The following NCS1 variants were observed in gnomAD, a reference collection of about 807,000 sequenced individuals.
NCS1 encodes neuronal calcium sensor 1, also known as frequenin homolog.
Under a neutral mutation model 28.4 loss-of-function variants are expected in NCS1, and 6 were observed. The ratio of observed to expected loss-of-function variants is 0.21; its 90% CI spans 0.12 to 0.42. The LOEUF (loss-of-function observed/expected upper bound fraction) is 0.42. NCS1 is among the 10% of genes least tolerant of loss of function. The pLI, the probability that NCS1 is intolerant of heterozygous loss-of-function variation, is 1.00. For missense variants in NCS1, 131 were observed against 241.4 expected, an observed-to-expected ratio of 0.54 and a Z score of 3.03; for synonymous variants, 86 against 99.3, an observed-to-expected ratio of 0.87 and a Z score of 0.79.
rs1418637973 is a variant in NCS1 at position 130,191,026 on chromosome 9, CTT to C, written c.65-9929_65-9928del. On this transcript the variant is annotated intron_variant, in intron 1 of 7. Coordinates refer to ENST00000372398, the MANE Select transcript of NCS1 (RefSeq NM_014286.4). This position sits in a 1 kb window ranked among gnomAD's most constrained non-coding sequence, Gnocchi z 6.4. The stretch of plus-strand genomic sequence containing the variant: ...TCTGCCCCAAGGCCTGGCCCTCTGA[CTT>C]TTATTCAGACACCACGACTCCTCAT... Among the ~76,000 whole-genome samples the C allele has an allele frequency of 6.6e-6, 1 of 152,188 alleles. No individual in the cohort carries two copies. Among genetic ancestry groups the C allele is most frequent in the Non-Finnish European group, 1.5e-5 (1 of 68,030 alleles).
At chr9:130,220,462 T>C (rs1352732540) in intron 4 of NCS1, among the ~76,000 whole-genome samples, 1 of 150,324 alleles carries the variant, frequency 6.7e-6, no homozygotes, top group Non-Finnish European at 1.5e-5. Context: ...ACCTGCCTGG[T>C]AGGCGCAGAG....
rs1370628971 is a variant in NCS1 at position 130,181,487 on chromosome 9, A to G, written c.64+8760A>G. ...TGGTGTTCACGTGTGTTCCTCACCAATTCCACCCAGGAGCCCTGTGGGGGT... is the reference window on the plus strand; with the variant it reads ...TGGTGTTCACGTGTGTTCCTCACCAGTTCCACCCAGGAGCCCTGTGGGGGT... On this transcript the variant is annotated intron_variant, in intron 1 of 7. Coordinates refer to ENST00000372398, the MANE Select transcript of NCS1 (RefSeq NM_014286.4). The surrounding 1 kb of genome is among the most constrained non-coding windows in gnomAD (Gnocchi z 5.0). Among the ~76,000 whole-genome samples, 3 of 145,848 alleles carry G rather than the reference A, an allele frequency of 2.1e-5. No individual in the cohort carries two copies. The highest frequency in any genetic ancestry group is 7.9e-5 in the African/African-American group (3 of 38,024).
intron 2 of NCS1, among the ~76,000 whole-genome samples, chr9:130,213,651 T>C (rs1362136977): frequency 6.6e-6 from 1 of 151,694 alleles, no homozygotes; most frequent in African/African-American, 2.4e-5. Flanking sequence ...AGTGGCGTGA[T>C]CTCGGCTCAC....
intron 1 of NCS1, chr9:130,200,459 G>A (rs1832925647): frequency 5.3e-6 from 5 of 951,456 alleles, no homozygotes; most frequent in East Asian, 2.6e-5. Flanking sequence ...GCAGGGACAG[G>A]CTGACAGGGA....
intron 3 of NCS1, among the ~76,000 whole-genome samples, chr9:130,218,844 G>A (rs782548630): frequency 2.6e-5 from 4 of 152,180 alleles, no homozygotes; most frequent in Middle Eastern, 3.4e-3. Context: ...ACCCACCTTG[G>A]TCTCCCAAAG....
chr9:130,179,891 C>T (rs1304215484), intron 1 of NCS1, among the ~76,000 whole-genome samples: 2 of 152,194 alleles, frequency 1.3e-5, no homozygotes, highest in Non-Finnish European at 2.9e-5. Context: ...CAAGGTCACA[C>T]AGCAAATATG....
chr9:130,189,921 C>T lies in NCS1; in HGVS notation c.65-11037C>T, dbSNP rs1161551024. 4.5e-5 allele frequency among the ~76,000 whole-genome samples: 6 copies of T among 132,522 alleles called. No homozygotes were observed. The East Asian group carries it at 1.3e-3, about 28-fold the overall frequency. The allele number at this position is 132,522 out of a possible 152,430, so 86.9% of individuals were successfully genotyped here. On this transcript the variant is annotated intron_variant, in intron 1 of 7. Transcript: ENST00000372398. ...ATATATATATATATTCCCAAGGTCTCGAAGGCCCCAAAGAGGCAGAAGATG... is the reference window on the plus strand; with the variant it reads ...ATATATATATATATTCCCAAGGTCTTGAAGGCCCCAAAGAGGCAGAAGATG...
chr9:130,205,626 C>T (rs188212125), intron 2 of NCS1, among the ~76,000 whole-genome samples: 30 of 149,904 alleles, frequency 2.0e-4, no homozygotes, highest in African/African-American at 7.4e-4. Context: ...CATTTGAGCC[C>T]AGGAGTTTGA....
At chr9:130,230,529 A>C (rs1554911940) in intron 7 of NCS1, among the ~76,000 whole-genome samples, 1 of 150,672 alleles carries the variant, frequency 6.6e-6, no homozygotes, top group African/African-American at 2.4e-5. Context: ...GGCAACATAG[A>C]GAGACTCTGT....
rs879988312 is a variant in NCS1, at chr9:130,186,377, C to T, written c.64+13650C>T. ...AGGAGGTAATATTGTAGTTGAGACC[C>T]GGGGCTAGGGTTGCCAGACATACTG... On this transcript the variant is annotated intron_variant, in intron 1 of 7. Coordinates refer to ENST00000372398, the MANE Select transcript of NCS1 (RefSeq NM_014286.4). This position sits in a 1 kb window ranked among gnomAD's most constrained non-coding sequence, Gnocchi z 4.1. Among the ~76,000 whole-genome samples, 26 of 152,088 alleles carry T rather than the reference C, an allele frequency of 1.7e-4. No homozygotes were observed. Among genetic ancestry groups the T allele is most frequent in the Non-Finnish European group, 3.4e-4 (23 of 68,018 alleles).
At chr9:130,173,090 G>A (rs113312098) in intron 1 of NCS1, among the ~76,000 whole-genome samples, 28,779 of 152,006 alleles carry the variant, frequency 0.19, 3,521 homozygotes, top group East Asian at 0.56. Context: ...GCCCGGCTGC[G>A]CGGAGCCGAC....
rs1032138556 is a variant in NCS1, at chr9:130,191,744, G to A, written c.65-9214G>A. Among the ~76,000 whole-genome samples the A allele has an allele frequency of 1.3e-5, 2 of 152,266 alleles. No individual in the cohort carries two copies. Among genetic ancestry groups the A allele is most frequent in the African/African-American group, 2.4e-5 (1 of 41,472 alleles). ...GTGGCCGTCACAGCTGCTCACTGCT[G>A]CACATGGCGGTCTGATGGCCCTGGT... On this transcript the variant is annotated intron_variant, in intron 1 of 7. Coordinates refer to ENST00000372398, the MANE Select transcript of NCS1 (RefSeq NM_014286.4). The surrounding 1 kb of genome is among the most constrained non-coding windows in gnomAD (Gnocchi z 6.4).
intron 1 of NCS1, among the ~76,000 whole-genome samples, chr9:130,196,526 G>T (rs1832880342): frequency 6.6e-6 from 1 of 152,222 alleles, no homozygotes; most frequent in Non-Finnish European, 1.5e-5. Context: ...AACACTTGAG[G>T]TCAGGAGTTC....
intron 2 of NCS1, among the ~76,000 whole-genome samples, chr9:130,203,878 T>C (rs1554907747): frequency 6.6e-6 from 1 of 152,096 alleles, no homozygotes; most frequent in African/African-American, 2.4e-5. Context: ...CCCCCCGGCG[T>C]CCTCCCCTTC....
intron 4 of NCS1, 116 bp from the exon 5 acceptor site, chr9:130,222,534 A>G: frequency 1.3e-6 from 1 of 780,954 alleles, no homozygotes; most frequent in Non-Finnish European, 2.3e-6. Flanking sequence ...TGACCTGATG[A>G]GGAATGGGCC....
intron 5 of NCS1, 61 bp from the exon 6 acceptor site, chr9:130,223,021 G>C: frequency 6.9e-7 from 1 of 1,447,472 alleles, no homozygotes; most frequent in East Asian, 2.3e-5. Flanking sequence ...GGGCAAATGC[G>C]TGGCCAAGAG....
chr9:130,229,499 C>T (rs146022863), intron 7 of NCS1, among the ~76,000 whole-genome samples: 25 of 152,192 alleles, frequency 1.6e-4, no homozygotes, highest in African/African-American at 5.5e-4. Context: ...GTGATCCACC[C>T]ACCTCAGCCT....
intron 1 of NCS1, among the ~76,000 whole-genome samples, chr9:130,176,598 C>T (rs935810756): frequency 7.2e-5 from 11 of 152,230 alleles, no homozygotes; most frequent in African/African-American, 2.2e-4. Flanking sequence ...ATCTTGCTGA[C>T]TCTGGTCTTT....
Position 130,175,433 on chromosome 9 carries a change from A to C in NCS1, c.64+2706A>C, listed in dbSNP as rs1554904502. On this transcript the variant is annotated intron_variant, in intron 1 of 7. Coordinates refer to ENST00000372398, the MANE Select transcript of NCS1 (RefSeq NM_014286.4). The surrounding 1 kb of genome is among the most constrained non-coding windows in gnomAD (Gnocchi z 4.9). ...GAAGGTACCTGGGCTGCCCTCCCGG[A>C]TTTCCGATTCTTTAGGTCTGGCTGG... is the stretch of plus-strand genomic sequence containing the variant. 1.3e-5 allele frequency among the ~76,000 whole-genome samples: 2 copies of C among 152,096 alleles called. No individual in the cohort carries two copies. Among genetic ancestry groups the C allele is most frequent in the Non-Finnish European group, 2.9e-5 (2 of 68,008 alleles).
Sources: allele counts gnomAD v4.1 joint callset (sites outside exome capture counted in the v4.1 genomes callset), GRCh38; gene constraint gnomAD v4.1.1; non-coding constraint Gnocchi (gnomAD v3.1); transcripts MANE v1.5; gene names NCBI Gene and HGNC (gene_info 2026-07-23, HGNC 2026-07-21).